Variants in RAP1A observed in about 807,000 individuals in gnomAD.
The protein encoded by RAP1A is ras-related protein Rap-1A.
In RAP1A, 6 loss-of-function variants were observed where a neutral mutation model predicts 26.4. The observed-to-expected ratio is 0.23, with a 90% CI of 0.12 to 0.45. The LOEUF is 0.45. RAP1A is among the 20% of genes least tolerant of loss of function. The pLI is 0.99. For missense variants in RAP1A, 121 were observed against 217.2 expected (o/e 0.56, Z 2.78); for synonymous variants, 73 against 79.4 (o/e 0.92, Z 0.43).
intron 1 of RAP1A, among the ~76,000 whole-genome samples, chr1:111,584,198 C>A (rs541525011): frequency 6.6e-6 from 1 of 152,238 alleles, no homozygotes; most frequent in South Asian, 2.1e-4. Flanking sequence ...GATATTTCAA[C>A]TGTGAATGTC....
intron 1 of RAP1A, among the ~76,000 whole-genome samples, chr1:111,580,065 G>A (rs1658223630): frequency 6.6e-6 from 1 of 152,142 alleles, no homozygotes. Context: ...CAAAGTGCTA[G>A]GATTACAGGT....
chr1:111,647,508 A>G (rs1378352196), intron 1 of RAP1A, among the ~76,000 whole-genome samples: 2 of 152,204 alleles, frequency 1.3e-5, no homozygotes, highest in East Asian at 3.8e-4. Flanking sequence ...GGTTCTGCCA[A>G]AAAGGTTGGG....
chr1:111,562,825 G>A (rs1193495583), intron 1 of RAP1A, among the ~76,000 whole-genome samples: 2 of 152,170 alleles, frequency 1.3e-5, no homozygotes, highest in Non-Finnish European at 2.9e-5. Context: ...GCTTTCTTTG[G>A]TTTGCTTTTA....
At chr1:111,579,100 C>T (rs866604926) in intron 1 of RAP1A, among the ~76,000 whole-genome samples, 65 of 152,326 alleles carry the variant, frequency 4.3e-4, no homozygotes, top group African/African-American at 1.5e-3. Context: ...TAGTGTTTAG[C>T]AGTCCCAAAG....
intron 1 of RAP1A, among the ~76,000 whole-genome samples, chr1:111,642,786 CTT>C (rs11414021): frequency 9.2e-5 from 11 of 119,436 alleles, no homozygotes; most frequent in Admixed American, 8.9e-5. Flanking sequence ...CGTGCCCAGC[CTT>C]TTTTTTTTTT....
chr1:111,673,050 CTCTG>C (rs1471911331), intron 1 of RAP1A, among the ~76,000 whole-genome samples: 1 of 152,142 alleles, frequency 6.6e-6, no homozygotes, highest in Non-Finnish European at 1.5e-5. Context: ...CATTCCATCT[CTCTG>C]CTCTTTTGTT....
chr1:111,620,806 T>A (rs1394936576), intron 1 of RAP1A, among the ~76,000 whole-genome samples: 1 of 152,180 alleles, frequency 6.6e-6, no homozygotes, highest in Non-Finnish European at 1.5e-5. Flanking sequence ...TCTTGCCCCC[T>A]TAATCAGGAA....
chr1:111,660,043 C>T (rs1660582330), intron 1 of RAP1A, among the ~76,000 whole-genome samples: 1 of 152,150 alleles, frequency 6.6e-6, no homozygotes, highest in South Asian at 2.1e-4. Context: ...AGTTTCTGAC[C>T]TAAGTAGTTT....
chr1:111,615,249 A>C (rs142981816), upstream of RAP1A, among the ~76,000 whole-genome samples: 548 of 152,024 alleles, frequency 3.6e-3, 12 homozygotes, highest in Admixed American at 0.032. Context: ...TAGTTTTTAA[A>C]ATAGGGTGGA....
chr1:111,674,413 C>G (rs1490566159), intron 1 of RAP1A, among the ~76,000 whole-genome samples: 1 of 152,052 alleles, frequency 6.6e-6, no homozygotes, highest in Non-Finnish European at 1.5e-5. Context: ...AAAGGCTCAC[C>G]CAGTTCTTAC....
chr1:111,623,203 G>C (rs1426327379), intron 1 of RAP1A, among the ~76,000 whole-genome samples: 1 of 148,112 alleles, frequency 6.8e-6, no homozygotes, highest in Admixed American at 6.8e-5. Flanking sequence ...TTTTTTAATC[G>C]TTAGTAGAGA....
chr1:111,579,013 A>T (rs7553700), intron 1 of RAP1A, among the ~76,000 whole-genome samples: 139,555 of 152,296 alleles, frequency 0.92, 63,989 homozygotes, highest in Admixed American at 0.95. Flanking sequence ...GACGAAGAGA[A>T]GCACAGGGCA....
intron 1 of RAP1A, among the ~76,000 whole-genome samples, chr1:111,568,792 C>T (rs867666404): frequency 1.3e-5 from 2 of 152,126 alleles, no homozygotes; most frequent in Non-Finnish European, 2.9e-5. Context: ...GCCCCTGCCA[C>T]TCCTGAGACA....
chr1:111,704,624 C>A (rs758977911), intron 6 of RAP1A, 138 bp downstream of exon 6: 12 of 928,546 alleles, frequency 1.3e-5, no homozygotes, highest in Non-Finnish European at 1.8e-5. Context: ...TAAGTAATTC[C>A]TGGAAACTAT....
intron 1 of RAP1A, among the ~76,000 whole-genome samples, chr1:111,583,645 CA>C (rs1658305960): frequency 6.6e-6 from 1 of 151,634 alleles, no homozygotes; most frequent in African/African-American, 2.4e-5. Flanking sequence ...GCATTATTTA[CA>C]ATGAAAATCT....
chr1:111,688,759 GA>G (rs1661572863), intron 1 of RAP1A, among the ~76,000 whole-genome samples: 1 of 150,494 alleles, frequency 6.6e-6, no homozygotes, highest in East Asian at 1.9e-4. Context: ...ACTCCTTCAG[GA>G]GGGGGGCTCA....
chr1:111,606,355 T>G (rs1479548108), intron 1 of RAP1A, among the ~76,000 whole-genome samples: 3 of 152,160 alleles, frequency 2.0e-5, no homozygotes, highest in African/African-American at 7.2e-5. Flanking sequence ...AAAAATGCCT[T>G]CATTCTCAGA....
intron 1 of RAP1A, among the ~76,000 whole-genome samples, chr1:111,664,683 A>G (rs1055325270): frequency 6.6e-6 from 1 of 152,182 alleles, no homozygotes; most frequent in South Asian, 2.1e-4. Flanking sequence ...AAGGTATTCT[A>G]TGCATATACA....
At chr1:111,687,937 A>T (rs973810514) in intron 1 of RAP1A, among the ~76,000 whole-genome samples, 1 of 146,394 alleles carries the variant, frequency 6.8e-6, no homozygotes, top group Non-Finnish European at 1.5e-5. Flanking sequence ...GGATTGCGTG[A>T]GCCTAGGAGC....
Sources: gnomAD v4.1 joint callset for allele counts (sites outside exome capture counted in the v4.1 genomes callset) on GRCh38, gnomAD v4.1.1 for gene constraint, MANE v1.5 for transcripts, NCBI Gene and HGNC (gene_info 2026-07-23, HGNC 2026-07-21) for gene names.